SKAP1: variants seen among roughly 807,000 people sequenced by gnomAD.
SKAP1 encodes the protein src kinase associated phosphoprotein 1.
In SKAP1, 44 loss-of-function variants were observed where a neutral mutation model predicts 58.5. The observed-to-expected ratio is 0.75, with a 90% CI of 0.59 to 0.97. The LOEUF (loss-of-function observed/expected upper bound fraction) is 0.97. Ranked by LOEUF, SKAP1 falls within the 50% of genes least tolerant of loss-of-function variation. SKAP1 has a pLI of 0.00. For missense variants in SKAP1, 390 were observed against 435.2 expected, an observed-to-expected ratio of 0.90 and a Z score of 0.92; for synonymous variants, 127 against 149.7, an observed-to-expected ratio of 0.85 and a Z score of 1.11.
chr17:48,239,962 A>G (rs150195094), intron 4 of SKAP1, among the ~76,000 whole-genome samples: 1 of 152,300 alleles, frequency 6.6e-6, no homozygotes, highest in African/African-American at 2.4e-5. Flanking sequence ...ACATAACTCT[A>G]TAGGTACAAA....
At chr17:48,304,757 T>C (rs1460470436) in intron 4 of SKAP1, among the ~76,000 whole-genome samples, 1 of 152,232 alleles carries the variant, frequency 6.6e-6, no homozygotes, top group Non-Finnish European at 1.5e-5. Context: ...TTCAATTCTT[T>C]AGTTACACAG....
chr17:48,329,835 A>G (rs530231497), intron 4 of SKAP1, among the ~76,000 whole-genome samples: 28 of 152,300 alleles, frequency 1.8e-4, no homozygotes, highest in African/African-American at 6.5e-4. Flanking sequence ...CCCCCTTATT[A>G]GTGGAGGAAC....
At chr17:48,441,493 G>A in the SKAP1 span, among the ~76,000 whole-genome samples, 1 of 152,158 alleles carries the variant, frequency 6.6e-6, no homozygotes, top group Non-Finnish European at 1.5e-5. Flanking sequence ...ATCAGGAAAT[G>A]GTGATTTGGT....
At chr17:48,231,155 G>A (rs1184848750) in intron 4 of SKAP1, among the ~76,000 whole-genome samples, 2 of 152,114 alleles carry the variant, frequency 1.3e-5, no homozygotes, top group East Asian at 3.9e-4. Flanking sequence ...CATCACCTGG[G>A]CACCTTAAAG....
chr17:48,239,844 GAGAGAC>G (rs1271956395), intron 4 of SKAP1, among the ~76,000 whole-genome samples: 3 of 109,168 alleles, frequency 2.7e-5, no homozygotes, highest in African/African-American at 5.7e-5. Context: ...GAGAGAGAGA[GAGAGAC>G]AGAGAGAGAG....
intron 4 of SKAP1, among the ~76,000 whole-genome samples, chr17:48,247,675 A>G (rs995361454): frequency 9.2e-5 from 14 of 152,298 alleles, no homozygotes; most frequent in African/African-American, 3.1e-4. Flanking sequence ...GTTTATATAT[A>G]TATTTTTTCA....
intron 4 of SKAP1, among the ~76,000 whole-genome samples, chr17:48,202,769 G>C (rs1270041516): frequency 6.6e-6 from 1 of 151,972 alleles, no homozygotes; most frequent in Non-Finnish European, 1.5e-5. Context: ...CTCACACTCA[G>C]CAAACGGGGA....
chr17:48,160,243 G>T (rs1447893991), intron 11 of SKAP1, among the ~76,000 whole-genome samples: 1 of 152,084 alleles, frequency 6.6e-6, no homozygotes, highest in African/African-American at 2.4e-5. Context: ...GATTCTCCCA[G>T]CTCAGCTTCC....
chr17:48,352,098 G>C (rs72827842), intron 3 of SKAP1, among the ~76,000 whole-genome samples: 3 of 130,208 alleles, frequency 2.3e-5, no homozygotes, highest in Non-Finnish European at 4.9e-5. Flanking sequence ...AAAAAAAAAA[G>C]CAGCCACTGT....
chr17:48,149,262 T>TG (rs2063869961), intron 11 of SKAP1, among the ~76,000 whole-genome samples: 1 of 152,206 alleles, frequency 6.6e-6, no homozygotes, highest in South Asian at 2.1e-4. Context: ...TAAGTAGAGA[T>TG]GTTGGGTGTC....
the SKAP1 span, among the ~76,000 whole-genome samples, chr17:48,435,845 A>T: frequency 2.0e-5 from 3 of 152,228 alleles, no homozygotes; most frequent in Non-Finnish European, 4.4e-5. Context: ...TTTGGAGGAT[A>T]CTGACACTAA....
intron 2 of SKAP1, among the ~76,000 whole-genome samples, chr17:48,366,879 T>C (rs1447316486): frequency 3.9e-5 from 6 of 152,212 alleles, no homozygotes; most frequent in Non-Finnish European, 5.9e-5. Flanking sequence ...CTCTCTCTTC[T>C]TTCCAAAATA....
At chr17:48,252,658 G>A (rs1469386083) in intron 4 of SKAP1, among the ~76,000 whole-genome samples, 2 of 151,278 alleles carry the variant, frequency 1.3e-5, no homozygotes, top group Non-Finnish European at 2.9e-5. Context: ...GGAATTCAAG[G>A]AAACCTCAAT....
At chr17:48,189,836 G>A (rs1240738178) in intron 4 of SKAP1, among the ~76,000 whole-genome samples, 1 of 151,702 alleles carries the variant, frequency 6.6e-6, no homozygotes, top group African/African-American at 2.4e-5. Flanking sequence ...CACCACACCT[G>A]GCTAATGTTT....
At chr17:48,356,763 T>C (rs1456018795) in intron 3 of SKAP1, among the ~76,000 whole-genome samples, 1 of 152,212 alleles carries the variant, frequency 6.6e-6, no homozygotes, top group African/African-American at 2.4e-5. Flanking sequence ...AAAATTCAAA[T>C]AGTACCAAAG....
Position 48,430,167 on chromosome 17 carries a change from GAGGCGGACGGGCTGGA to G in SKAP1, c.-63_-48del, listed in dbSNP as rs773566338. ...GGGACGGGGCGCGGGCCCTGGTCGG[GAGGCGGACGGGCTGGA>G]AGGCGACCCGGCTGCACCGCGAGGC... On this transcript the variant is annotated 5_prime_UTR_variant, in exon 1 of 13. Transcript: ENST00000336915. 106 of 1,246,930 alleles carry G rather than the reference GAGGCGGACGGGCTGGA, an allele frequency of 8.5e-5. No individual in the cohort carries two copies. The highest frequency in any genetic ancestry group is 1.8e-5 in the Non-Finnish European group (18 of 987,776). 77.2% of individuals were successfully genotyped at this position (1,246,930 alleles called of 1,614,324 possible). A position where few individuals can be genotyped will look rare whatever the true frequency, so the allele number is the denominator to read the frequency against.
chr17:48,410,734 T>C (rs957194638), intron 1 of SKAP1, among the ~76,000 whole-genome samples: 1 of 151,334 alleles, frequency 6.6e-6, no homozygotes, highest in Non-Finnish European at 1.5e-5. Context: ...TGAAACCAGC[T>C]TGGCCAACAT....
At position 48,356,176 on chromosome 17, in the gene SKAP1, C is replaced by A. The variant is rs111932886; in HGVS notation, c.178+7613G>T. ...GGCCAAAGTGAGAGGATCACTTGATCTTGGGAGATGGAAGCTGCAGTGAGT... is the reference window on the plus strand; with the variant it reads ...GGCCAAAGTGAGAGGATCACTTGATATTGGGAGATGGAAGCTGCAGTGAGT... On this transcript the variant is annotated intron_variant, in intron 3 of 12. Coordinates refer to ENST00000336915, the MANE Select transcript of SKAP1 (RefSeq NM_003726.4). Among the ~76,000 whole-genome samples, 19 of 151,704 alleles carry A rather than the reference C, an allele frequency of 1.3e-4. 3 individuals carry two copies. The highest frequency in any genetic ancestry group is 4.6e-4 in the African/African-American group (19 of 41,364).
intron 2 of SKAP1, among the ~76,000 whole-genome samples, chr17:48,385,722 A>T (rs2067266962): frequency 6.6e-6 from 1 of 152,204 alleles, no homozygotes; most frequent in Non-Finnish European, 1.5e-5. Context: ...CTATTTAAAA[A>T]GGCTGCAAGC....
Sources: gnomAD v4.1 joint callset for allele counts (sites outside exome capture counted in the v4.1 genomes callset) on GRCh38, gnomAD v4.1.1 for gene constraint, MANE v1.5 for transcripts, NCBI Gene and HGNC (gene_info 2026-07-23, HGNC 2026-07-21) for gene names.